NTM: variants seen among roughly 807,000 people sequenced by gnomAD.
NTM encodes IgLON family member 2.
NTM carries 13 observed loss-of-function variants against 42.1 expected under a neutral mutation model. The ratio of observed to expected loss-of-function variants is 0.31; its 90% CI spans 0.20 to 0.49. The LOEUF (loss-of-function observed/expected upper bound fraction) is 0.49. Ranked by LOEUF, NTM falls within the 20% of genes least tolerant of loss-of-function variation. The pLI is 0.99. For missense variants in NTM, 373 were observed against 452.8 expected (o/e 0.82, Z 1.60); for synonymous variants, 187 against 179.2 (o/e 1.04, Z -0.35).
chr11:131,479,152 C>T (rs575454213), intron 1 of NTM, among the ~76,000 whole-genome samples: 2 of 152,292 alleles, frequency 1.3e-5, no homozygotes, highest in Non-Finnish European at 2.9e-5. Context: ...CTGCTATATG[C>T]CTTTTGTATA....
At chr11:132,147,560 C>T (rs1025108652) in intron 3 of NTM, among the ~76,000 whole-genome samples, 135 of 152,110 alleles carry the variant, frequency 8.9e-4, no homozygotes, top group Non-Finnish European at 1.5e-3. Flanking sequence ...GCTTTCTTTT[C>T]TCTTTTTTAG....
chr11:131,444,183 C>G (rs926534069), intron 1 of NTM, among the ~76,000 whole-genome samples: 1 of 90,428 alleles, frequency 1.1e-5, no homozygotes, highest in East Asian at 3.8e-4. Context: ...TGATGCTCAA[C>G]AGTGGCTAAA....
At chr11:132,010,356 T>C (rs187761638) in intron 2 of NTM, among the ~76,000 whole-genome samples, 1 of 152,300 alleles carries the variant, frequency 6.6e-6, no homozygotes, top group Admixed American at 6.5e-5. Flanking sequence ...TCTCTGAGGC[T>C]AGACTGGTGA....
In NTM at chr11:131,789,645, G is replaced by GAAGA. The variant is rs1555128004; in HGVS notation, c.83-121917_83-121914dup. On this transcript the variant is annotated intron_variant, in intron 1 of 8. Transcript: ENST00000683400. ...AAGAAGAAGAAGAAGAAAAGAAGAA[G>GAAGA]AAGAAGAAGAAGAAGAAGAAGAAAG... Among the ~76,000 whole-genome samples, 14 of 128,302 alleles carry GAAGA rather than the reference G, an allele frequency of 1.1e-4. 1 individual carries two copies. The highest frequency in any genetic ancestry group is 3.8e-4 in the African/African-American group (13 of 33,916). 84.2% of individuals were successfully genotyped at this position (128,302 alleles called of 152,430 possible). A position where few individuals can be genotyped will look rare whatever the true frequency, so the allele number is the denominator to read the frequency against.
intron 1 of NTM, among the ~76,000 whole-genome samples, chr11:131,505,792 TCTC>T (rs1252023279): frequency 1.3e-5 from 2 of 152,110 alleles, no homozygotes; most frequent in African/African-American, 4.8e-5. Context: ...AGAACTATCT[TCTC>T]CTTCCCCAGA....
At chr11:131,389,815 G>A (rs941551526) in intron 1 of NTM, among the ~76,000 whole-genome samples, 1 of 152,204 alleles carries the variant, frequency 6.6e-6, no homozygotes, top group South Asian at 2.1e-4. Flanking sequence ...GCAACAGGTT[G>A]TCTGTTTCAA....
intron 4 of NTM, among the ~76,000 whole-genome samples, chr11:132,295,499 G>T (rs1034049179): frequency 6.6e-6 from 1 of 152,196 alleles, no homozygotes; most frequent in Non-Finnish European, 1.5e-5. Flanking sequence ...CAATGCTAGA[G>T]AAACAAATAA....
At chr11:131,372,658 C>T (rs1941379290) in intron 1 of NTM, among the ~76,000 whole-genome samples, 1 of 152,088 alleles carries the variant, frequency 6.6e-6, no homozygotes, top group South Asian at 2.1e-4. Flanking sequence ...TTCTATCTGT[C>T]CCGAGATCCA....
chr11:131,574,470 A>T (rs2057743925), intron 1 of NTM, among the ~76,000 whole-genome samples: 2 of 152,156 alleles, frequency 1.3e-5, no homozygotes, highest in Non-Finnish European at 2.9e-5. Context: ...GCAGTGTGTG[A>T]GGGGCTTTCA....
chr11:131,399,838 G>T (rs1944938326), intron 1 of NTM, among the ~76,000 whole-genome samples: 1 of 152,112 alleles, frequency 6.6e-6, no homozygotes, highest in African/African-American at 2.4e-5. Context: ...CATAGAAATT[G>T]ATGGCTGGTT....
At chr11:131,910,734 C>T (rs1171944543) in intron 1 of NTM, 7 of 655,738 alleles carry the variant, frequency 1.1e-5, no homozygotes, top group African/African-American at 2.0e-5. Context: ...AGCTTGGGGC[C>T]GCCGCGGTCC....
chr11:131,540,045 G>A (rs962007057), intron 1 of NTM, among the ~76,000 whole-genome samples: 1 of 152,076 alleles, frequency 6.6e-6, no homozygotes, highest in Admixed American at 6.6e-5. Context: ...CAACAATGTG[G>A]GAACATGCTG....
At chr11:131,406,846 T>C (rs906057596) in intron 1 of NTM, among the ~76,000 whole-genome samples, 1 of 152,186 alleles carries the variant, frequency 6.6e-6, no homozygotes, top group African/African-American at 2.4e-5. Flanking sequence ...CCTCCCAGAG[T>C]GCACAAATGT....
At chr11:131,588,015 G>A (rs919795544) in intron 1 of NTM, among the ~76,000 whole-genome samples, 2 of 152,184 alleles carry the variant, frequency 1.3e-5, no homozygotes, top group Non-Finnish European at 2.9e-5. Context: ...CTTGCTATGT[G>A]CCAGGCACTG....
chr11:132,021,731 G>A (rs2074366276), intron 2 of NTM, among the ~76,000 whole-genome samples: 1 of 152,062 alleles, frequency 6.6e-6, no homozygotes, highest in Admixed American at 6.5e-5. Context: ...GACATCCAAG[G>A]CTTAAACAGA....
intron 1 of NTM, among the ~76,000 whole-genome samples, chr11:131,492,958 C>T (rs1441394825): frequency 6.6e-6 from 1 of 152,130 alleles, no homozygotes; most frequent in African/African-American, 2.4e-5. Flanking sequence ...TGGCTCATGC[C>T]TGTAGTCCTA....
rs544238910 is a variant in NTM at position 131,528,738 on chromosome 11, C to T, written c.82+157850C>T. On this transcript the variant is annotated intron_variant, in intron 1 of 8. Transcript: ENST00000683400. ...GTATTCAGTAAGTATTTAATAAATG[C>T]ATGCTAAATAAATGGGTGAATGAGT... is the stretch of plus-strand genomic sequence containing the variant. 4.9e-4 allele frequency among the ~76,000 whole-genome samples: 75 copies of T among 152,252 alleles called. 4 individuals are homozygous for T. In the South Asian group the frequency reaches 0.015, roughly 31 times the overall value.
At chr11:132,138,950 G>T (rs1272941470) in intron 2 of NTM, among the ~76,000 whole-genome samples, 2 of 152,190 alleles carry the variant, frequency 1.3e-5, no homozygotes. Flanking sequence ...TTGACACAGA[G>T]AATTAATCAT....
intron 2 of NTM, among the ~76,000 whole-genome samples, chr11:131,975,329 G>A (rs553547009): frequency 6.1e-4 from 93 of 152,174 alleles, no homozygotes; most frequent in African/African-American, 2.2e-3. Context: ...ACAGGTGCAC[G>A]CCACCATGCC....
Sources: gnomAD v4.1 joint callset for allele counts (sites outside exome capture counted in the v4.1 genomes callset) on GRCh38, gnomAD v4.1.1 for gene constraint, MANE v1.5 for transcripts, NCBI Gene and HGNC (gene_info 2026-07-23, HGNC 2026-07-21) for gene names.